Variants in MLLT11 observed in about 807,000 individuals in gnomAD.
MLLT11 encodes MLLT11 transcription factor 7 cofactor.
MLLT11 carries 1 observed loss-of-function variant against 5.3 expected under a neutral mutation model. The ratio of observed to expected loss-of-function variants is 0.19; its 90% CI spans 0.07 to 0.89. MLLT11 has a LOEUF of 0.89. MLLT11 is among the 40% of genes least tolerant of loss of function. The probability of loss-of-function intolerance (pLI) is 0.67; values close to 1 mark genes in which losing one functional copy is unlikely to be tolerated. For synonymous variants in MLLT11, 38 were observed against 41.7 expected (o/e 0.91, Z 0.34); for missense variants, 87 against 107.3 (o/e 0.81, Z 0.83).
At chr1:151,065,038 G>A (rs988975543) in intron 1 of MLLT11, among the ~76,000 whole-genome samples, 2 of 152,070 alleles carry the variant, frequency 1.3e-5, no homozygotes, top group Non-Finnish European at 2.9e-5. Flanking sequence ...TTTGTGGAGG[G>A]GAAGGGGAAG....
intron 1 of MLLT11, among the ~76,000 whole-genome samples, chr1:151,066,579 T>C (rs959170978): frequency 6.6e-6 from 1 of 152,144 alleles, no homozygotes; most frequent in African/African-American, 2.4e-5. Flanking sequence ...CCAAGATCAA[T>C]TTGATGCAAT....
intron 1 of MLLT11, among the ~76,000 whole-genome samples, chr1:151,061,722 T>A (rs1459956355): frequency 2.0e-5 from 3 of 152,238 alleles, no homozygotes; most frequent in Admixed American, 1.3e-4. Context: ...AAATCCATAC[T>A]ATATTAAATC....
At chr1:151,063,651 T>G (rs956438392) in intron 1 of MLLT11, among the ~76,000 whole-genome samples, 1 of 152,158 alleles carries the variant, frequency 6.6e-6, no homozygotes, top group South Asian at 2.1e-4. Context: ...GGTCTCGATC[T>G]CCTGACCTCG....
intron 1 of MLLT11, among the ~76,000 whole-genome samples, chr1:151,063,865 C>T (rs1676440871): frequency 6.6e-6 from 1 of 152,168 alleles, no homozygotes; most frequent in Non-Finnish European, 1.5e-5. Context: ...GGAAGAGTAT[C>T]TGATTCTGTT....
At position 151,067,821 on chromosome 1, in the gene MLLT11, C is replaced by A. The variant is rs1375376736; in HGVS notation, c.*324C>A. ...TAGTATAGTAGTGCAAAATGGAAGACTGATTTTTGACTCTATTATAATCAG... is the reference window on the plus strand; with the variant it reads ...TAGTATAGTAGTGCAAAATGGAAGAATGATTTTTGACTCTATTATAATCAG... On this transcript the variant is annotated 3_prime_UTR_variant, in exon 2 of 2. Coordinates refer to ENST00000368921, the MANE Select transcript of MLLT11 (RefSeq NM_006818.4). 6.1e-6 allele frequency: 2 copies of A among 328,760 alleles called. No homozygotes were observed. Among genetic ancestry groups the A allele is most frequent in the Non-Finnish European group, 1.2e-5 (2 of 169,102 alleles). The allele number at this position is 328,760 out of a possible 1,614,324, so 20.4% of individuals were successfully genotyped here.
At chr1:151,063,824 A>C (rs1223196436) in intron 1 of MLLT11, among the ~76,000 whole-genome samples, 2 of 152,190 alleles carry the variant, frequency 1.3e-5, no homozygotes, top group Non-Finnish European at 2.9e-5. Flanking sequence ...GGGTAGAATG[A>C]GTAGAGAAAG....
Position 151,067,325 on chromosome 1 carries a change from A to G in MLLT11, c.101A>G (p.Asp34Gly), listed in dbSNP as rs145305226. The G allele has an allele frequency of 6.2e-7, 1 of 1,614,044 alleles. No individual in the cohort carries two copies. The highest frequency in any genetic ancestry group is 8.5e-7 in the Non-Finnish European group (1 of 1,180,050). Residue 34 changes from aspartate to glycine, a missense_variant, in exon 2 of 2, where the codon GAT (aspartate) becomes GGT (glycine). Physicochemically the swap from Asp to Gly is moderately conservative, Grantham distance 94 (BLOSUM62 -1). Transcript: ENST00000368921. ...LSELEGLGLSDTATYKVKDSS... is the reference protein window; with the variant it reads ...LSELEGLGLSGTATYKVKDSS... ...GAGCTGGAAGGCCTGGGTCTGTCAG[A>G]TACAGCCACCTACAAGGTCAAAGAC...
intron 1 of MLLT11, among the ~76,000 whole-genome samples, chr1:151,062,252 G>C (rs1676416709): frequency 6.6e-6 from 1 of 152,002 alleles, no homozygotes; most frequent in South Asian, 2.1e-4. Context: ...GATCAGATTG[G>C]GAATTATGAG....
rs1378516774 is a variant in MLLT11, at chr1:151,068,618, C to CT, written c.*1122dup. 1 of 168,934 alleles carries CT rather than the reference C, an allele frequency of 5.9e-6. No individual in the cohort carries two copies. The highest frequency in any genetic ancestry group is 2.4e-5 in the African/African-American group (1 of 41,948). 10.5% of individuals were successfully genotyped at this position (168,934 alleles called of 1,614,324 possible). ...TTTATTTTTGAGACAGGGTCCCACT[C>CT]TGTCACCCAGGCTGGAGTGCAGTGG... On this transcript the variant is annotated 3_prime_UTR_variant, in exon 2 of 2. Transcript: ENST00000368921.
Position 151,069,345 on chromosome 1 carries a change from CAA to C in MLLT11, c.*1850_*1851del, listed in dbSNP as rs1676534992. On this transcript the variant is annotated 3_prime_UTR_variant, in exon 2 of 2. Transcript: ENST00000368921. ...AGTCCCCAGGTGGGAGAAAAAAAGA[CAA>C]ATCCTCCCTCTAGGCCATGAAAAGC... Among the ~76,000 whole-genome samples, 1 of 152,102 alleles carries C rather than the reference CAA, an allele frequency of 6.6e-6. No homozygotes were observed. Among genetic ancestry groups the C allele is most frequent in the African/African-American group, 2.4e-5 (1 of 41,396 alleles).
chr1:151,063,691 C>T (rs1327491754), intron 1 of MLLT11, among the ~76,000 whole-genome samples: 3 of 152,232 alleles, frequency 2.0e-5, no homozygotes, highest in African/African-American at 4.8e-5. Flanking sequence ...TCCCAAAGTG[C>T]TGGGATTACA....
chr1:151,064,051 C>T (rs189941065), intron 1 of MLLT11, among the ~76,000 whole-genome samples: 1,647 of 151,486 alleles, frequency 0.011, 42 homozygotes, highest in African/African-American at 0.038. Flanking sequence ...GATGGAGTTT[C>T]GCTCTTGTTG....
chr1:151,063,338 T>G (rs1676431217), intron 1 of MLLT11, among the ~76,000 whole-genome samples: 1 of 152,204 alleles, frequency 6.6e-6, no homozygotes, highest in South Asian at 2.1e-4. Context: ...TTTTGAAACT[T>G]GGGGTTCTGT....
At chr1:151,064,872 C>G (rs1676454706) in intron 1 of MLLT11, among the ~76,000 whole-genome samples, 1 of 152,110 alleles carries the variant, frequency 6.6e-6, no homozygotes, top group Non-Finnish European at 1.5e-5. Context: ...TAGATATTGC[C>G]TTTGCCTAAA....
chr1:151,067,737 C>T lies in MLLT11; in HGVS notation c.*240C>T, dbSNP rs1200950472. The T allele has an allele frequency of 3.6e-6, 2 of 552,126 alleles. No homozygotes were observed. The highest frequency in any genetic ancestry group is 4.8e-5 in the South Asian group (2 of 41,366). The allele number at this position is 552,126 out of a possible 1,614,324, so 34.2% of individuals were successfully genotyped here. On this transcript the variant is annotated 3_prime_UTR_variant, in exon 2 of 2. Coordinates refer to ENST00000368921, the MANE Select transcript of MLLT11 (RefSeq NM_006818.4). ...ATGGAGTACTGGGTCACAGGGATTC[C>T]TCCTTTCCCCCCCAAATATTAACTC... is the stretch of plus-strand genomic sequence containing the variant.
chr1:151,067,147 C>CTT (rs1676486003), intron 1 of MLLT11, 72 bp from the exon 2 acceptor site: 13 of 1,298,732 alleles, frequency 1.0e-5, no homozygotes, highest in Non-Finnish European at 1.4e-5. Context: ...TGTGGAGTAT[C>CTT]TAAGCAAGGA....
intron 1 of MLLT11, among the ~76,000 whole-genome samples, chr1:151,061,190 C>T (rs1676401267): frequency 2.0e-5 from 3 of 152,106 alleles, no homozygotes; most frequent in Admixed American, 6.6e-5. Flanking sequence ...TGATTTGCAG[C>T]TCAGTGGAAT....
In MLLT11 at chr1:151,068,127, G is replaced by A. The variant is rs1676500379; in HGVS notation, c.*630G>A. 1 of 240,250 alleles carries A rather than the reference G, an allele frequency of 4.2e-6. No individual in the cohort carries two copies. The highest frequency in any genetic ancestry group is 8.8e-6 in the Non-Finnish European group (1 of 113,396). The allele number at this position is 240,250 out of a possible 1,614,324, so 14.9% of individuals were successfully genotyped here. On this transcript the variant is annotated 3_prime_UTR_variant, in exon 2 of 2. Transcript: ENST00000368921. ...GGAAAATAATTGAATCATTTTAGAA[G>A]TAGCTAATTTCTTTTCTCAAAAGAG...
At chr1:151,067,183 C>A in intron 1 of MLLT11, 36 bp from the exon 2 acceptor site, 1 of 1,588,774 alleles carries the variant, frequency 6.3e-7, no homozygotes. Flanking sequence ...AAAGAAGTTG[C>A]TGTAGCATGA....
Sources: gnomAD v4.1 joint callset for allele counts (sites outside exome capture counted in the v4.1 genomes callset) on GRCh38, gnomAD v4.1.1 for gene constraint, MANE v1.5 for transcripts, NCBI Gene and HGNC (gene_info 2026-07-23, HGNC 2026-07-21) for gene names.